PAQR8: variants seen among roughly 807,000 people sequenced by gnomAD.
PAQR8 encodes progestin and adipoQ receptor family member 8, also known as membrane progestin receptor beta.
Under a neutral mutation model 25.2 loss-of-function variants are expected in PAQR8, and 17 were observed. That is an observed-to-expected ratio of 0.67 (90% CI 0.46 to 1.01). PAQR8 has a LOEUF of 1.01. PAQR8 is among the 50% of genes least tolerant of loss of function. PAQR8 has a pLI of 0.00. For missense variants in PAQR8, 392 were observed against 448.4 expected, an observed-to-expected ratio of 0.87 and a Z score of 1.14; for synonymous variants, 204 against 190.6, an observed-to-expected ratio of 1.07 and a Z score of -0.58.
chr6:52,401,305 G>T (rs1279475798), intron 1 of PAQR8, among the ~76,000 whole-genome samples: 4 of 152,150 alleles, frequency 2.6e-5, no homozygotes, highest in Admixed American at 1.3e-4. Context: ...TGTGCTTGCT[G>T]TATGTGCTCC....
chr6:52,363,150 G>T (rs62406703), intron 1 of PAQR8, among the ~76,000 whole-genome samples: 9,177 of 152,208 alleles, frequency 0.06, 363 homozygotes, highest in Middle Eastern at 0.092. Context: ...CACTCAGCGC[G>T]CTTGGGGAAT....
At chr6:52,366,419 T>C (rs1763354558) in intron 1 of PAQR8, among the ~76,000 whole-genome samples, 1 of 152,198 alleles carries the variant, frequency 6.6e-6, no homozygotes, top group Admixed American at 6.5e-5. Context: ...TAATGGCCTG[T>C]GGAGCTAAGA....
chr6:52,396,025 G>A (rs967379874), intron 1 of PAQR8, among the ~76,000 whole-genome samples: 1 of 152,192 alleles, frequency 6.6e-6, no homozygotes, highest in African/African-American at 2.4e-5. Context: ...CTAAAGAACT[G>A]TTCATTCAGT....
Position 52,403,600 on chromosome 6 carries a change from C to T in PAQR8, c.387C>T (p.Ala129=). ...CTTACCTCACCTGCAGCCTTCTGGC[C>T]CACCTGCTGCAGTCCAAGTCAGAGC... ...SITYLTCSLL[A]HLLQSKSELS... Residue 129 remains alanine, a synonymous_variant, in exon 2 of 2, where the codon GCC becomes GCT. Coordinates refer to ENST00000442253, the MANE Select transcript of PAQR8 (RefSeq NM_133367.5). 1.2e-6 allele frequency: 2 copies of T among 1,614,126 alleles called. No homozygotes were observed. Among genetic ancestry groups the T allele is most frequent in the Non-Finnish European group, 1.7e-6 (2 of 1,180,036 alleles).
chr6:52,392,437 C>A lies in PAQR8; in HGVS notation c.-52-10725C>A, dbSNP rs557949877. 6.1e-4 allele frequency among the ~76,000 whole-genome samples: 93 copies of A among 152,162 alleles called. 1 individual carries two copies. Among genetic ancestry groups the A allele is most frequent in the African/African-American group, 2.1e-3 (89 of 41,514 alleles). ...CCCAGTGTTCTTTCCAGGGAATCAGCTATTCCAAGTTTGTGGTAGATTCAC... is the reference window on the plus strand; with the variant it reads ...CCCAGTGTTCTTTCCAGGGAATCAGATATTCCAAGTTTGTGGTAGATTCAC... On this transcript the variant is annotated intron_variant, in intron 1 of 1. Coordinates refer to ENST00000442253, the MANE Select transcript of PAQR8 (RefSeq NM_133367.5).
At position 52,405,598 on chromosome 6, in the gene PAQR8, G is replaced by A. The variant is rs1236592795; in HGVS notation, c.*1320G>A. The A allele has an allele frequency of 1.2e-5, 2 of 167,110 alleles. No homozygotes were observed. Among genetic ancestry groups the A allele is most frequent in the African/African-American group, 4.8e-5 (2 of 41,460 alleles). The allele number at this position is 167,110 out of a possible 1,614,324, so 10.4% of individuals were successfully genotyped here. ...TGACTTCTGCACTAATCCAGTGAAG[G>A]AGGCTGTGTCAAAAGAAGGGCTCAG... On this transcript the variant is annotated 3_prime_UTR_variant, in exon 2 of 2. Coordinates refer to ENST00000442253, the MANE Select transcript of PAQR8 (RefSeq NM_133367.5).
At chr6:52,382,181 A>C (rs977062547) in intron 1 of PAQR8, among the ~76,000 whole-genome samples, 2 of 152,210 alleles carry the variant, frequency 1.3e-5, no homozygotes, top group Non-Finnish European at 2.9e-5. Flanking sequence ...TAAGTGATAC[A>C]AACTGGAGGA....
Position 52,379,869 on chromosome 6 carries a change from C to T in PAQR8, c.-53+17620C>T, listed in dbSNP as rs542927920. Among the ~76,000 whole-genome samples, 49 of 152,154 alleles carry T rather than the reference C, an allele frequency of 3.2e-4. 1 individual carries two copies. In the South Asian group the frequency reaches 7.3e-3, roughly 23 times the overall value. The stretch of plus-strand genomic sequence containing the variant: ...GTCTCGATCTGCTGACCTCGTGATC[C>T]GCCTGTCTCGGCCTCCCAAAGTGCT... On this transcript the variant is annotated intron_variant, in intron 1 of 1. Transcript: ENST00000442253.
chr6:52,403,339 G>GC lies in PAQR8; in HGVS notation c.130dup (p.Gln44ProfsTer57). ...CTTGCACTGTCCCAGAAACGGATGT[G>GC]CCCCAGCTCTTCCGGGAGCCTTACA... On this transcript the variant is annotated frameshift_variant, in exon 2 of 2. Transcript: ENST00000442253. LOFTEE classifies it high-confidence loss of function. The GC allele has an allele frequency of 6.2e-7, 1 of 1,614,248 alleles. No homozygotes were observed. The highest frequency in any genetic ancestry group is 8.5e-7 in the Non-Finnish European group (1 of 1,180,048).
chr6:52,396,937 G>C lies in PAQR8; in HGVS notation c.-52-6225G>C, dbSNP rs536012903. ...TTGGAGGCAAATTTGGAAATCAGCG[G>C]ATACAGGTGTAGCTGAAGCTAAGGG... On this transcript the variant is annotated intron_variant, in intron 1 of 1. Coordinates refer to ENST00000442253, the MANE Select transcript of PAQR8 (RefSeq NM_133367.5). Among the ~76,000 whole-genome samples the C allele has an allele frequency of 5.8e-4, 89 of 152,278 alleles. 1 individual carries two copies. The highest frequency in any genetic ancestry group is 2.0e-3 in the African/African-American group (85 of 41,552).
intron 1 of PAQR8, among the ~76,000 whole-genome samples, chr6:52,371,714 T>C (rs1442584912): frequency 6.6e-6 from 1 of 152,236 alleles, no homozygotes; most frequent in Non-Finnish European, 1.5e-5. Flanking sequence ...ATAAAATAGC[T>C]ACCATGTATT....
intron 1 of PAQR8, among the ~76,000 whole-genome samples, chr6:52,380,596 G>C (rs1581791733): frequency 6.6e-6 from 1 of 152,210 alleles, no homozygotes; most frequent in Non-Finnish European, 1.5e-5. Flanking sequence ...TTTGCATGTT[G>C]TTGTTTGTCC....
intron 1 of PAQR8, among the ~76,000 whole-genome samples, chr6:52,381,826 T>C (rs1763564462): frequency 6.6e-6 from 1 of 152,242 alleles, no homozygotes; most frequent in Non-Finnish European, 1.5e-5. Flanking sequence ...TAGCCTCAGC[T>C]GGTTGTTGAG....
intron 1 of PAQR8, among the ~76,000 whole-genome samples, chr6:52,373,085 T>A (rs1268167513): frequency 2.0e-5 from 3 of 152,332 alleles, no homozygotes; most frequent in East Asian, 3.9e-4. Context: ...ATCCTTGCAT[T>A]ACAGAATTGG....
chr6:52,392,343 C>CAA (rs35808636), intron 1 of PAQR8, among the ~76,000 whole-genome samples: 2 of 109,348 alleles, frequency 1.8e-5, no homozygotes, highest in African/African-American at 3.6e-5. Flanking sequence ...GACTCCATCT[C>CAA]AAAAAAAAAA....
At chr6:52,373,276 C>A (rs377441307) in intron 1 of PAQR8, among the ~76,000 whole-genome samples, 38 of 152,342 alleles carry the variant, frequency 2.5e-4, no homozygotes, top group African/African-American at 9.1e-4. Flanking sequence ...GGCAGCAAAA[C>A]TGATAAAGCA....
At chr6:52,379,626 T>C (rs1400729781) in intron 1 of PAQR8, among the ~76,000 whole-genome samples, 1 of 132,948 alleles carries the variant, frequency 7.5e-6, no homozygotes, top group African/African-American at 2.8e-5. Flanking sequence ...TTTCTTTTTT[T>C]TTTTTTTTTT....
intron 1 of PAQR8, among the ~76,000 whole-genome samples, chr6:52,397,683 T>C (rs1763782420): frequency 6.6e-6 from 1 of 152,196 alleles, no homozygotes; most frequent in Non-Finnish European, 1.5e-5. Context: ...TAATAAAAAT[T>C]CTTGAGGAAG....
intron 1 of PAQR8, among the ~76,000 whole-genome samples, chr6:52,379,193 A>C (rs1048003343): frequency 2.0e-5 from 3 of 152,060 alleles, no homozygotes; most frequent in Non-Finnish European, 4.4e-5. Flanking sequence ...CAGTCACAAA[A>C]GGAAAGCACT....
Sources: gnomAD v4.1 joint callset for allele counts (sites outside exome capture counted in the v4.1 genomes callset) on GRCh38, gnomAD v4.1.1 for gene constraint, MANE v1.5 for transcripts, NCBI Gene and HGNC (gene_info 2026-07-23, HGNC 2026-07-21) for gene names.